Variants in SDK1 observed in about 807,000 individuals in gnomAD.
SDK1 encodes the protein sidekick cell adhesion molecule 1, also known as protein sidekick-1.
SDK1 carries 157 observed loss-of-function variants against 245.5 expected under a neutral mutation model. The ratio of observed to expected loss-of-function variants is 0.64; its 90% confidence interval spans 0.56 to 0.73. SDK1 has a LOEUF of 0.73. Ranked by LOEUF, SDK1 falls within the 30% of genes least tolerant of loss-of-function variation. The probability of loss-of-function intolerance (pLI) is 0.00; values close to 1 mark genes in which losing one functional copy is unlikely to be tolerated. For missense variants in SDK1, 3,583 were observed against 3,002.3 expected, an observed-to-expected ratio of 1.19 and a Z score of -4.52; for synonymous variants, 1,647 against 1,278.5, an observed-to-expected ratio of 1.29 and a Z score of -6.15.
chr7:3,947,853 A>T (rs1263033428), intron 5 of SDK1, among the ~76,000 whole-genome samples: 2 of 152,184 alleles, frequency 1.3e-5, no homozygotes, highest in Non-Finnish European at 2.9e-5. Context: ...ATAGCAATAG[A>T]TGCCTATAAT....
At chr7:4,234,866 C>T (rs893003148) in intron 41 of SDK1, among the ~76,000 whole-genome samples, 3 of 152,162 alleles carry the variant, frequency 2.0e-5, no homozygotes, top group East Asian at 1.9e-4. Flanking sequence ...GAGGCCTCGG[C>T]GTTGGGGCAG....
At chr7:4,121,308 T>G (rs1784050708) in intron 25 of SDK1, among the ~76,000 whole-genome samples, 1 of 152,286 alleles carries the variant, frequency 6.6e-6, no homozygotes, top group Non-Finnish European at 1.5e-5. Flanking sequence ...CCCACCCAAA[T>G]CTCATCTCAA....
chr7:3,349,870 G>T (rs566685552), intron 1 of SDK1, among the ~76,000 whole-genome samples: 3 of 152,256 alleles, frequency 2.0e-5, no homozygotes, highest in Non-Finnish European at 4.4e-5. Context: ...CCAAAGTGCT[G>T]GGATTACAGG....
chr7:3,870,742 A>G (rs1780935485), intron 5 of SDK1, among the ~76,000 whole-genome samples: 1 of 152,226 alleles, frequency 6.6e-6, no homozygotes, highest in Non-Finnish European at 1.5e-5. Flanking sequence ...CATTACCATT[A>G]ACCAAACTAC....
At chr7:3,757,045 G>A (rs755317660) in intron 4 of SDK1, among the ~76,000 whole-genome samples, 4 of 151,936 alleles carry the variant, frequency 2.6e-5, no homozygotes, top group Non-Finnish European at 5.9e-5. Flanking sequence ...TTTCCATACT[G>A]ATTCTCCAAC....
intron 1 of SDK1, among the ~76,000 whole-genome samples, chr7:3,578,977 A>G (rs192442230): frequency 4.6e-5 from 7 of 152,142 alleles, no homozygotes; most frequent in East Asian, 1.9e-4. Flanking sequence ...GTAAGAAATT[A>G]TAAGAGTATT....
At chr7:3,474,833 T>C (rs1465836467) in intron 1 of SDK1, among the ~76,000 whole-genome samples, 1 of 152,076 alleles carries the variant, frequency 6.6e-6, no homozygotes, top group Non-Finnish European at 1.5e-5. Flanking sequence ...GGGGACTATA[T>C]AGGTGTGCAC....
chr7:3,890,411 A>AGAT (rs1562515779), intron 5 of SDK1, among the ~76,000 whole-genome samples: 1 of 152,250 alleles, frequency 6.6e-6, no homozygotes, highest in Non-Finnish European at 1.5e-5. Context: ...TTGAAATTGT[A>AGAT]GATGTGTTGG....
intron 4 of SDK1, among the ~76,000 whole-genome samples, chr7:3,800,378 T>C (rs571262707): frequency 1.3e-5 from 2 of 150,096 alleles, no homozygotes; most frequent in Admixed American, 6.6e-5. Flanking sequence ...TACTTATTTA[T>C]TTATTTATTT....
chr7:4,071,783 G>A (rs945749586), intron 20 of SDK1, among the ~76,000 whole-genome samples: 12 of 152,204 alleles, frequency 7.9e-5, no homozygotes, highest in Admixed American at 2.0e-4. Context: ...CAGAAACGGG[G>A]CTGCCCGGGT....
At chr7:4,263,329 C>T (rs1788171329) in intron 44 of SDK1, among the ~76,000 whole-genome samples, 1 of 150,994 alleles carries the variant, frequency 6.6e-6, no homozygotes, top group Non-Finnish European at 1.5e-5. Flanking sequence ...CCTGTAGGGG[C>T]AGGCAGAGTC....
chr7:3,846,367 C>T (rs1371059432), intron 5 of SDK1, among the ~76,000 whole-genome samples: 1 of 152,094 alleles, frequency 6.6e-6, no homozygotes, highest in Non-Finnish European at 1.5e-5. Flanking sequence ...TGGGGAATTC[C>T]AGCCTTTGAT....
chr7:3,839,823 T>A (rs542633741), intron 5 of SDK1, among the ~76,000 whole-genome samples: 79 of 152,226 alleles, frequency 5.2e-4, no homozygotes, highest in Non-Finnish European at 1.0e-3. Context: ...TTTTTAACAT[T>A]TAGTTTTAGA....
At chr7:3,695,957 G>T (rs1369302593) in intron 4 of SDK1, among the ~76,000 whole-genome samples, 1 of 152,092 alleles carries the variant, frequency 6.6e-6, no homozygotes. Flanking sequence ...AGTTGCTGAC[G>T]CTCATTGGCT....
intron 28 of SDK1, among the ~76,000 whole-genome samples, chr7:4,133,442 T>A (rs1784983022): frequency 6.6e-6 from 1 of 152,106 alleles, no homozygotes; most frequent in Non-Finnish European, 1.5e-5. Context: ...GGGAGACACA[T>A]GTTGAGAGTA....
At chr7:3,766,591 T>C (rs1780260683) in intron 4 of SDK1, among the ~76,000 whole-genome samples, 1 of 152,184 alleles carries the variant, frequency 6.6e-6, no homozygotes, top group Admixed American at 6.5e-5. Context: ...AGCAGTACTT[T>C]TAGTAAGGAT....
rs141055998 is a variant in SDK1 at position 4,237,660 on chromosome 7, C to A, written c.6006C>A (p.Ala2002=). 2.5e-6 allele frequency: 4 copies of A among 1,614,012 alleles called. No homozygotes were observed. The highest frequency in any genetic ancestry group is 1.1e-5 in the South Asian group (1 of 91,086). ...TCTTTTCCACAGCTCAAGTGGAAGC[C>A]CCATTCTACGAGGAGTGGTGGTTCC... ...PSTAVSAQVE[A]PFYEEWWFLL... is the part of the protein sequence containing the mutation. Residue 2002 remains alanine, a synonymous_variant, in exon 42 of 45, where the codon GCC becomes GCA. Transcript: ENST00000404826.
rs867809291 is a variant in SDK1 at position 3,641,989 on chromosome 7, G to A, written c.597G>A (p.Arg199=). Residue 199 remains arginine, a synonymous_variant, in exon 4 of 45, where the codon AGG becomes AGA. Transcript: ENST00000404826. ...YMGSFMDTDQ[R]KTVSQGRAAI... is the part of the protein sequence containing the mutation. ...GAAGTTTCATGGATACGGACCAGAG[G>A]AAAACAGTTTCTCAAGGACGTGCAG... 1.2e-6 allele frequency: 2 copies of A among 1,613,922 alleles called. No individual in the cohort carries two copies. The highest frequency in any genetic ancestry group is 4.5e-5 in the East Asian group (2 of 44,878).
intron 22 of SDK1, among the ~76,000 whole-genome samples, chr7:4,084,381 C>T (rs6963204): frequency 0.057 from 8,663 of 152,212 alleles, 752 homozygotes; most frequent in African/African-American, 0.18. Context: ...ATTGGCCTGT[C>T]TTTGGCCTAG....
Sources: gnomAD v4.1 joint callset for allele counts (sites outside exome capture counted in the v4.1 genomes callset) on GRCh38, gnomAD v4.1.1 for gene constraint, MANE v1.5 for transcripts, NCBI Gene and HGNC (gene_info 2026-07-23, HGNC 2026-07-21) for gene names.